SUSD6: variants seen among roughly 807,000 people sequenced by gnomAD.
SUSD6 encodes sushi domain-containing protein 6.
In SUSD6, 16 loss-of-function variants were observed where a neutral mutation model predicts 28.4. That is an observed-to-expected ratio of 0.56 (90% CI 0.38 to 0.86). SUSD6 has a LOEUF of 0.86. SUSD6 is among the 40% of genes least tolerant of loss of function. The pLI is 0.00. For missense variants in SUSD6, 341 were observed against 384.2 expected (o/e 0.89, Z 0.94); for synonymous variants, 147 against 159.6 (o/e 0.92, Z 0.59).
rs74060244 is a variant in SUSD6 at position 69,639,861 on chromosome 14, T to C, written c.-80-18652T>C. 7.5e-3 allele frequency among the ~76,000 whole-genome samples: 1,131 copies of C among 149,850 alleles called. 21 individuals are homozygous for C. Among genetic ancestry groups the C allele is most frequent in the African/African-American group, 0.026 (1,073 of 40,780 alleles). Reference sequence around the variant, plus strand: ...AAATATGCCTCTAGACATTGCCAAATGGGGGAGGTGGCACAAAATTGGTCC... The same window carrying C: ...AAATATGCCTCTAGACATTGCCAAACGGGGGAGGTGGCACAAAATTGGTCC... On this transcript the variant is annotated intron_variant, in intron 1 of 5. Transcript: ENST00000342745.
intron 2 of SUSD6, among the ~76,000 whole-genome samples, chr14:69,703,023 T>A (rs895531427): frequency 1.3e-5 from 2 of 152,222 alleles, no homozygotes; most frequent in Admixed American, 1.3e-4. Flanking sequence ...ACATTTTTCC[T>A]CCTTTCACTG....
At chr14:69,656,700 A>C (rs1885588418) in intron 1 of SUSD6, among the ~76,000 whole-genome samples, 1 of 152,220 alleles carries the variant, frequency 6.6e-6, no homozygotes, top group African/African-American at 2.4e-5. Context: ...CAACTCTACG[A>C]AGTTAGTATG....
intron 2 of SUSD6, among the ~76,000 whole-genome samples, chr14:69,672,709 C>A (rs1179683272): frequency 6.6e-6 from 1 of 152,192 alleles, no homozygotes; most frequent in Non-Finnish European, 1.5e-5. Context: ...TCACAGAGCA[C>A]CCCCGAGTGT....
In SUSD6 at chr14:69,681,305, G is replaced by C. The variant is rs1187661941; in HGVS notation, c.122-22090G>C. Among the ~76,000 whole-genome samples, 5 of 152,208 alleles carry C rather than the reference G, an allele frequency of 3.3e-5. No individual in the cohort carries two copies. In the East Asian group the frequency reaches 9.6e-4, roughly 29 times the overall value. On this transcript the variant is annotated intron_variant, in intron 2 of 5. Transcript: ENST00000342745. ...GGTCCTGCTCAGGGAAAAAATTCTG[G>C]ATGGTGCTGTTTTTCCCATTTAGCC...
Position 69,658,719 on chromosome 14 carries a change from T to C in SUSD6, c.121+6T>C. ...TGGAGACGGACTTGCTTCCGGTAAGTCCTGACCTGCCTTCTGTGTGTGGGT... is the reference window on the plus strand; with the variant it reads ...TGGAGACGGACTTGCTTCCGGTAAGCCCTGACCTGCCTTCTGTGTGTGGGT... On this transcript the variant is annotated splice_donor_region_variant and intron_variant, in intron 2 of 5. Coordinates refer to ENST00000342745, the MANE Select transcript of SUSD6 (RefSeq NM_014734.4). The C allele has an allele frequency of 6.2e-7, 1 of 1,613,946 alleles. No homozygotes were observed. The highest frequency in any genetic ancestry group is 8.5e-7 in the Non-Finnish European group (1 of 1,179,896).
rs1196265844 is a variant in SUSD6, at chr14:69,638,833, C to A, written c.-80-19680C>A. ...AGTCAGGACTTGCGTAATTTAAACC[C>A]AAGGTCCTGGGCTGGCTTCTCAGCC... On this transcript the variant is annotated intron_variant, in intron 1 of 5. Coordinates refer to ENST00000342745, the MANE Select transcript of SUSD6 (RefSeq NM_014734.4). Among the ~76,000 whole-genome samples the A allele has an allele frequency of 2.6e-5, 4 of 152,162 alleles. No homozygotes were observed. The East Asian group carries it at 7.7e-4, about 29-fold the overall frequency.
intron 1 of SUSD6, among the ~76,000 whole-genome samples, chr14:69,645,120 C>A (rs1166081173): frequency 1.3e-5 from 2 of 152,140 alleles, no homozygotes; most frequent in African/African-American, 4.8e-5. Context: ...CTGGAAGTTA[C>A]ACAAGATGGA....
At chr14:69,644,565 G>A (rs1885399827) in intron 1 of SUSD6, among the ~76,000 whole-genome samples, 2 of 151,862 alleles carry the variant, frequency 1.3e-5, no homozygotes, top group South Asian at 2.1e-4. Context: ...CAGGAGAATC[G>A]CTTGAAGCAG....
At chr14:69,658,743 G>T in intron 2 of SUSD6, 30 bp downstream of exon 2, 1 of 1,613,688 alleles carries the variant, frequency 6.2e-7, no homozygotes, top group Non-Finnish European at 8.5e-7. Context: ...CTGTGTGTGG[G>T]TGGGAAAATA....
At chr14:69,694,670 G>A (rs558775023) in intron 2 of SUSD6, among the ~76,000 whole-genome samples, 3 of 152,280 alleles carry the variant, frequency 2.0e-5, no homozygotes, top group South Asian at 4.1e-4. Flanking sequence ...TTTATTGAAC[G>A]CTGTGCCTCA....
intron 2 of SUSD6, among the ~76,000 whole-genome samples, chr14:69,665,805 G>T (rs1885731427): frequency 6.6e-6 from 1 of 152,204 alleles, no homozygotes; most frequent in Non-Finnish European, 1.5e-5. Flanking sequence ...CAGATTGTCT[G>T]GGTTGAATAC....
chr14:69,670,387 A>G, intron 2 of SUSD6: 2 of 446,126 alleles, frequency 4.5e-6, no homozygotes. Context: ...CATGTGATAC[A>G]TGCTATAATC....
intron 1 of SUSD6, among the ~76,000 whole-genome samples, chr14:69,629,517 T>G (rs1164121054): frequency 6.6e-6 from 1 of 152,212 alleles, no homozygotes; most frequent in Non-Finnish European, 1.5e-5. Flanking sequence ...TATATTATCC[T>G]AATTCCCTGC....
At chr14:69,660,310 A>G (rs184628292) in intron 2 of SUSD6, among the ~76,000 whole-genome samples, 5 of 151,968 alleles carry the variant, frequency 3.3e-5, no homozygotes, top group East Asian at 1.9e-4. Flanking sequence ...TTTTTTGTTC[A>G]TTGTAGCCTT....
intron 2 of SUSD6, among the ~76,000 whole-genome samples, chr14:69,678,636 C>G (rs1885952697): frequency 6.6e-6 from 1 of 151,910 alleles, no homozygotes; most frequent in South Asian, 2.1e-4. Context: ...AACCCTGTCT[C>G]TACAAAAAAT....
At chr14:69,648,644 C>T (rs1885461112) in intron 1 of SUSD6, among the ~76,000 whole-genome samples, 1 of 152,094 alleles carries the variant, frequency 6.6e-6, no homozygotes, top group Non-Finnish European at 1.5e-5. Flanking sequence ...CCATCCCACT[C>T]CCAGGCCTTT....
At chr14:69,679,618 T>C (rs1885968619) in intron 2 of SUSD6, among the ~76,000 whole-genome samples, 1 of 152,018 alleles carries the variant, frequency 6.6e-6, no homozygotes, top group Admixed American at 6.5e-5. Flanking sequence ...TTGTTAGTGT[T>C]AGTGTATTTT....
At chr14:69,649,944 T>C (rs1003194591) in intron 1 of SUSD6, among the ~76,000 whole-genome samples, 4 of 152,238 alleles carry the variant, frequency 2.6e-5, no homozygotes, top group African/African-American at 7.2e-5. Context: ...TAATTCCACC[T>C]ATTTAATGAG....
At chr14:69,692,378 C>T (rs1385962449) in intron 2 of SUSD6, among the ~76,000 whole-genome samples, 1 of 152,158 alleles carries the variant, frequency 6.6e-6, no homozygotes, top group Non-Finnish European at 1.5e-5. Flanking sequence ...CAGAAAAAAT[C>T]AAGAAGCTTC....
Sources: allele counts gnomAD v4.1 joint callset (sites outside exome capture counted in the v4.1 genomes callset), GRCh38; gene constraint gnomAD v4.1.1; transcripts MANE v1.5; gene names NCBI Gene and HGNC (gene_info 2026-07-23, HGNC 2026-07-21).